Variants in ACO2 observed in about 807,000 individuals in gnomAD.
ACO2 encodes the protein aconitate hydratase, mitochondrial.
In ACO2, 31 loss-of-function variants were observed where a neutral mutation model predicts 84.5. The ratio of observed to expected loss-of-function variants is 0.37; its 90% CI spans 0.28 to 0.50. The LOEUF (loss-of-function observed/expected upper bound fraction) is 0.50, where lower values mean the gene tolerates loss of function less well. Among genes scored for constraint, ACO2 ranks in the 20% least tolerant of loss-of-function variants. ACO2 has a pLI of 0.97. For synonymous variants in ACO2, 414 were observed against 412.7 expected (o/e 1.00, Z -0.04); for missense variants, 685 against 1,029.3 (o/e 0.67, Z 4.58).
At position 41,517,483 on chromosome 22, in the gene ACO2, T is replaced by TG. The variant is rs1256942075; in HGVS notation, c.836-42dup. ...GCCGCGTAGCAGGTGTGTGGGACCC[T>TG]GGCCCGGCCACCAGCCAATGCCCGG... On this transcript the variant is annotated intron_variant, in intron 6 of 17. Coordinates refer to ENST00000216254, the MANE Select transcript of ACO2 (RefSeq NM_001098.3). 2.6e-6 allele frequency: 4 copies of TG among 1,561,120 alleles called. No individual in the cohort carries two copies. The South Asian group carries it at 4.5e-5, about 17-fold the overall frequency.
chr22:41,509,279 T>G (rs2066417151), intron 3 of ACO2, among the ~76,000 whole-genome samples: 1 of 152,132 alleles, frequency 6.6e-6, no homozygotes, highest in African/African-American at 2.4e-5. Context: ...ACTCATAGCA[T>G]TCAGAGCTCA....
At chr22:41,527,161 T>TTTA in intron 15 of ACO2, 127 bp from the exon 16 acceptor site, 1 of 1,432,638 alleles carries the variant, frequency 7.0e-7, no homozygotes, top group Non-Finnish European at 9.6e-7. Flanking sequence ...GAAGGGCCCC[T>TTTA]CCAGCCCCTT....
intron 2 of ACO2, among the ~76,000 whole-genome samples, chr22:41,505,836 T>C (rs943868516): frequency 4.6e-5 from 7 of 152,160 alleles, no homozygotes; most frequent in African/African-American, 1.7e-4. Flanking sequence ...GTGGTGCTGG[T>C]TTCACAGGTG....
chr22:41,526,468 A>G lies in ACO2; in HGVS notation c.1953+15A>G. 1.2e-6 allele frequency: 2 copies of G among 1,605,566 alleles called. No homozygotes were observed. Among genetic ancestry groups the G allele is most frequent in the Non-Finnish European group, 1.7e-6 (2 of 1,174,454 alleles). ...GCTACTACAAGGTGGGTCAGAGTTG[A>G]TAGGGGCAATGCCAGTGGTCACTCC... On this transcript the variant is annotated intron_variant, in intron 15 of 17. Transcript: ENST00000216254.
chr22:41,525,025 C>A, intron 13 of ACO2, 57 bp downstream of exon 13: 1 of 1,613,462 alleles, frequency 6.2e-7, no homozygotes, highest in Non-Finnish European at 8.5e-7. Flanking sequence ...ACTTCCTTCT[C>A]AACCTCACAG....
chr22:41,516,126 T>G, intron 6 of ACO2: 31 of 673,874 alleles, frequency 4.6e-5, no homozygotes, highest in Non-Finnish European at 7.2e-5. Context: ...GAGATTGAGA[T>G]ACCTGTCGAG....
intron 1 of ACO2, among the ~76,000 whole-genome samples, chr22:41,476,632 C>T (rs962369584): frequency 1.3e-5 from 2 of 151,994 alleles, no homozygotes; most frequent in Non-Finnish European, 2.9e-5. Context: ...ATCGCTTGAA[C>T]CTGGGAGGCA....
intron 1 of ACO2, among the ~76,000 whole-genome samples, chr22:41,488,328 C>T (rs971116806): frequency 8.5e-5 from 13 of 152,172 alleles, no homozygotes; most frequent in Admixed American, 2.6e-4. Flanking sequence ...CTGAGCCTGC[C>T]GGTTGCCTCC....
At chr22:41,481,337 C>G (rs2146084911) in intron 1 of ACO2, among the ~76,000 whole-genome samples, 1 of 152,330 alleles carries the variant, frequency 6.6e-6, no homozygotes, top group East Asian at 1.9e-4. Context: ...GTTAAAGCAA[C>G]TGTCTCAAGA....
At chr22:41,469,517 A>G (rs748422481) in intron 1 of ACO2, 3 of 309,144 alleles carry the variant, frequency 9.7e-6, no homozygotes, top group Admixed American at 5.1e-5. Context: ...AGGTGAGGAC[A>G]AGGTGACTAG....
intron 1 of ACO2, among the ~76,000 whole-genome samples, chr22:41,498,816 G>A (rs2066333534): frequency 1.3e-5 from 2 of 152,116 alleles, no homozygotes; most frequent in Admixed American, 6.6e-5. Context: ...GGTAATGGCT[G>A]GGCACGGTGG....
At chr22:41,474,747 C>T (rs1175711588) in intron 1 of ACO2, among the ~76,000 whole-genome samples, 2 of 151,436 alleles carry the variant, frequency 1.3e-5, no homozygotes, top group Non-Finnish European at 2.9e-5. Flanking sequence ...TACAGGCGCC[C>T]GCTACCATGC....
chr22:41,525,405 G>A, intron 14 of ACO2, 57 bp downstream of exon 14: 1 of 1,596,688 alleles, frequency 6.3e-7, no homozygotes, highest in Non-Finnish European at 8.5e-7. Flanking sequence ...CCCGTCCCCT[G>A]AGCATCGGGA....
chr22:41,474,385 C>T (rs1443446463), intron 1 of ACO2, among the ~76,000 whole-genome samples: 2 of 148,664 alleles, frequency 1.3e-5, no homozygotes, highest in Non-Finnish European at 3.0e-5. Context: ...GCTCTGCTTC[C>T]TGGGTTCATG....
chr22:41,508,041 C>T lies in ACO2; in HGVS notation c.424C>T (p.Arg142Trp), dbSNP rs779868128. 35 of 1,608,964 alleles carry T rather than the reference C, an allele frequency of 2.2e-5. No homozygotes were observed. Among genetic ancestry groups the T allele is most frequent in the Middle Eastern group, 3.3e-4 (2 of 6,072 alleles). Residue 142 changes from arginine to tryptophan, a missense_variant, in exon 3 of 18, where the codon CGG becomes TGG. Physicochemically the swap from Arg to Trp is moderately radical, Grantham distance 101 (BLOSUM62 -3). Around this residue, in one of 5 missense-constraint regions of ACO2, gnomAD observed 92 missense variants for 203.7 expected, o/e 0.45. Transcript: ENST00000216254. ...AQVGGEKDLRRAKDINQEVYN... is the reference protein window; with the variant it reads ...AQVGGEKDLRWAKDINQEVYN... The stretch of plus-strand genomic sequence containing the variant: ...GGTTGGGGGCGAGAAAGACCTGCGC[C>T]GGGCCAAGGTGAGCAGAAGGTGGCT...
intron 1 of ACO2, among the ~76,000 whole-genome samples, chr22:41,494,043 T>C (rs1330207279): frequency 6.6e-6 from 1 of 152,152 alleles, no homozygotes; most frequent in East Asian, 1.9e-4. Flanking sequence ...TAGAACATGT[T>C]CATCAGGACA....
chr22:41,503,631 T>G (rs748773636), intron 2 of ACO2, among the ~76,000 whole-genome samples: 14 of 152,148 alleles, frequency 9.2e-5, no homozygotes, highest in Non-Finnish European at 1.3e-4. Context: ...ACCTGGTCTG[T>G]TCTCTGTTTT....
At chr22:41,471,551 C>A (rs2037946543) in intron 1 of ACO2, among the ~76,000 whole-genome samples, 1 of 152,132 alleles carries the variant, frequency 6.6e-6, no homozygotes, top group Non-Finnish European at 1.5e-5. Flanking sequence ...TTCTGGATAC[C>A]GTGGTAAGCA....
chr22:41,481,848 C>G (rs2038091939), intron 1 of ACO2, among the ~76,000 whole-genome samples: 1 of 152,172 alleles, frequency 6.6e-6, no homozygotes, highest in African/African-American at 2.4e-5. Flanking sequence ...GGACATTGTC[C>G]TAGGTTCTGA....
Sources: allele counts gnomAD v4.1 joint callset (sites outside exome capture counted in the v4.1 genomes callset), GRCh38; gene constraint gnomAD v4.1.1; regional missense constraint gnomAD v4.1.1; transcripts MANE v1.5; gene names NCBI Gene and HGNC (gene_info 2026-07-23, HGNC 2026-07-21).